The following NEDD4L variants were observed in gnomAD, a reference collection of about 807,000 sequenced individuals.
NEDD4L encodes the protein NEDD4 like E3 ubiquitin protein ligase, also known as E3 ubiquitin-protein ligase NEDD4-like.
NEDD4L carries 54 observed loss-of-function variants against 148.9 expected under a neutral mutation model. The ratio of observed to expected loss-of-function variants is 0.36; its 90% CI spans 0.29 to 0.45. The LOEUF (loss-of-function observed/expected upper bound fraction) is 0.45, where lower values mean the gene tolerates loss of function less well. NEDD4L is among the 20% of genes least tolerant of loss of function. The probability of loss-of-function intolerance (pLI) is 1.00; values close to 1 mark genes in which losing one functional copy is unlikely to be tolerated. For missense variants in NEDD4L, 856 were observed against 1,233.8 expected (o/e 0.69, Z 4.59); for synonymous variants, 433 against 440.7 (o/e 0.98, Z 0.22).
chr18:58,365,963 T>C, intron 20 of NEDD4L, 36 bp from the exon 21 acceptor site: 4 of 1,418,758 alleles, frequency 2.8e-6, no homozygotes, highest in Non-Finnish European at 2.9e-6. Context: ...GTGTATTTAC[T>C]GTATGATTAT....
intron 5 of NEDD4L, among the ~76,000 whole-genome samples, chr18:58,276,194 GTT>G (rs1200942500): frequency 3.5e-5 from 2 of 57,514 alleles, no homozygotes; most frequent in Non-Finnish European, 3.5e-5. Context: ...TTTCTTTTTC[GTT>G]TTTTTTTTTT....
intron 19 of NEDD4L, among the ~76,000 whole-genome samples, chr18:58,363,819 G>A (rs1012160008): frequency 2.0e-5 from 3 of 152,056 alleles, no homozygotes; most frequent in Non-Finnish European, 4.4e-5. Context: ...CTTTCTGCTC[G>A]TTGTATTTCC....
rs181742153 is a variant in NEDD4L, at chr18:58,115,989, G to A, written c.49-49799G>A. ...GGAGGAGCAAGGCGTGTTTAGGCCT[G>A]ATGATTTTTGGATAGCTTGACCAAA... is the stretch of plus-strand genomic sequence containing the variant. On this transcript the variant is annotated intron_variant, in intron 1 of 30. Coordinates refer to ENST00000400345, the MANE Select transcript of NEDD4L (RefSeq NM_001144967.3). Among the ~76,000 whole-genome samples the A allele has an allele frequency of 2.4e-3, 364 of 152,294 alleles. 2 individuals carry two copies. The highest frequency in any genetic ancestry group is 8.1e-3 in the African/African-American group (335 of 41,546).
At chr18:58,377,736 T>C (rs2146498098) in intron 24 of NEDD4L, among the ~76,000 whole-genome samples, 1 of 145,592 alleles carries the variant, frequency 6.9e-6, no homozygotes, top group South Asian at 2.2e-4. Context: ...AATTTGGTTA[T>C]GGGTTTGTTT....
chr18:58,338,356 G>A (rs1407446191), intron 13 of NEDD4L, among the ~76,000 whole-genome samples: 2 of 152,206 alleles, frequency 1.3e-5, no homozygotes, highest in Non-Finnish European at 2.9e-5. Flanking sequence ...GCTGAGTCCT[G>A]CCCCCTCAAC....
chr18:58,356,061 TC>T (rs1166794293), intron 18 of NEDD4L, among the ~76,000 whole-genome samples: 6 of 152,020 alleles, frequency 3.9e-5, no homozygotes, highest in Non-Finnish European at 8.8e-5. Flanking sequence ...CAAGCGATCT[TC>T]CCACCTCAGC....
At chr18:58,134,358 C>CTTTTTTTTTT (rs926932340) in intron 1 of NEDD4L, among the ~76,000 whole-genome samples, 2 of 11,948 alleles carry the variant, frequency 1.7e-4, no homozygotes, top group African/African-American at 8.2e-4. Context: ...AATTCCATTT[C>CTTTTTTTTTT]TTTTTTTTTT....
chr18:58,140,783 C>T (rs2033416284), intron 1 of NEDD4L, among the ~76,000 whole-genome samples: 2 of 152,240 alleles, frequency 1.3e-5, no homozygotes, highest in South Asian at 4.1e-4. Flanking sequence ...CGGCCTTGGC[C>T]ACTCTTATGG....
At chr18:58,281,786 G>A (rs2053150005) in intron 5 of NEDD4L, among the ~76,000 whole-genome samples, 1 of 152,112 alleles carries the variant, frequency 6.6e-6, no homozygotes, top group African/African-American at 2.4e-5. Flanking sequence ...AGCACTTTGG[G>A]AAGCCGAGAC....
At chr18:58,282,677 G>T (rs925916027) in intron 5 of NEDD4L, among the ~76,000 whole-genome samples, 3 of 152,078 alleles carry the variant, frequency 2.0e-5, no homozygotes, top group South Asian at 2.1e-4. Flanking sequence ...GTAAATTAGC[G>T]GTATGGATGG....
intron 1 of NEDD4L, among the ~76,000 whole-genome samples, chr18:58,093,446 G>A (rs1443029596): frequency 6.6e-6 from 1 of 152,178 alleles, no homozygotes; most frequent in East Asian, 1.9e-4. Context: ...CCTTAGGCTA[G>A]CAGAGAATAC....
At chr18:58,054,825 C>G (rs2082024937) in intron 1 of NEDD4L, 1 of 152,100 alleles carries the variant, frequency 6.6e-6, no homozygotes, top group African/African-American at 2.4e-5. Flanking sequence ...GCTGAACTTC[C>G]CATGTTGACG....
intron 18 of NEDD4L, among the ~76,000 whole-genome samples, chr18:58,353,126 C>T (rs2044133795): frequency 6.6e-6 from 1 of 152,180 alleles, no homozygotes; most frequent in African/African-American, 2.4e-5. Context: ...TAGGTGCCCC[C>T]ACTCCGGCTT....
At chr18:58,161,730 T>C (rs1320362501) in intron 1 of NEDD4L, among the ~76,000 whole-genome samples, 1 of 151,816 alleles carries the variant, frequency 6.6e-6, no homozygotes, top group Non-Finnish European at 1.5e-5. Flanking sequence ...AGGTGGGGGG[T>C]GCTTGGCTCT....
intron 1 of NEDD4L, among the ~76,000 whole-genome samples, chr18:58,103,419 T>C (rs1300382342): frequency 1.3e-5 from 2 of 152,028 alleles, no homozygotes; most frequent in Non-Finnish European, 2.9e-5. Flanking sequence ...CGTGTGTTAA[T>C]TGAGTAATTG....
intron 10 of NEDD4L, among the ~76,000 whole-genome samples, chr18:58,329,658 A>ATTTTTTT (rs1034872422): frequency 7.4e-6 from 1 of 135,574 alleles, no homozygotes; most frequent in Admixed American, 7.5e-5. Context: ...ACAATGGCTA[A>ATTTTTTT]TTTTTTTTTT....
In NEDD4L at chr18:58,395,598, G is replaced by A. The variant is rs532145849; in HGVS notation, c.2826-569G>A. 7.2e-5 allele frequency among the ~76,000 whole-genome samples: 11 copies of A among 152,138 alleles called. 1 individual carries two copies. The South Asian group carries it at 2.1e-3, about 29-fold the overall frequency. Reference sequence around the variant, plus strand: ...GATCAGAGGAGGTAGCTTAGCACTGGTGTTCCCGAGCCCCGGACAGCCTGG... The same window carrying A: ...GATCAGAGGAGGTAGCTTAGCACTGATGTTCCCGAGCCCCGGACAGCCTGG... On this transcript the variant is annotated intron_variant, in intron 30 of 30. Coordinates refer to ENST00000400345, the MANE Select transcript of NEDD4L (RefSeq NM_001144967.3).
At chr18:58,290,268 A>G (rs530912645) in intron 5 of NEDD4L, among the ~76,000 whole-genome samples, 2 of 152,366 alleles carry the variant, frequency 1.3e-5, no homozygotes, top group East Asian at 3.9e-4. Flanking sequence ...AAATTCAACA[A>G]CCAGATTTGT....
At chr18:58,235,966 G>C (rs1335768245) in intron 2 of NEDD4L, among the ~76,000 whole-genome samples, 1 of 152,142 alleles carries the variant, frequency 6.6e-6, no homozygotes, top group Non-Finnish European at 1.5e-5. Flanking sequence ...CTGGGAGGCG[G>C]AGGCTGCAGT....
Sources: gnomAD v4.1 joint callset for allele counts (sites outside exome capture counted in the v4.1 genomes callset) on GRCh38, gnomAD v4.1.1 for gene constraint, MANE v1.5 for transcripts, NCBI Gene and HGNC (gene_info 2026-07-23, HGNC 2026-07-21) for gene names.